The following INSR variants were observed in gnomAD, a reference collection of about 807,000 sequenced individuals.
INSR encodes IR.
Under a neutral mutation model 142.6 loss-of-function variants are expected in INSR, and 67 were observed. The ratio of observed to expected loss-of-function variants is 0.47; its 90% CI spans 0.39 to 0.58. INSR has a LOEUF of 0.58. Ranked by LOEUF, INSR falls within the 20% of genes least tolerant of loss-of-function variation. The pLI is 0.00. For missense variants in INSR, 1,248 were observed against 1,833.2 expected (o/e 0.68, Z 5.83); for synonymous variants, 756 against 743.1 (o/e 1.02, Z -0.28).
At chr19:7,275,419 AATTT>A (rs1435854922) in intron 1 of INSR, among the ~76,000 whole-genome samples, 3 of 152,144 alleles carry the variant, frequency 2.0e-5, no homozygotes, top group Non-Finnish European at 4.4e-5. Flanking sequence ...ACTGAGTACT[AATTT>A]TTTTTACATT....
At chr19:7,285,769 G>A (rs1456903636) in intron 1 of INSR, among the ~76,000 whole-genome samples, 1 of 152,092 alleles carries the variant, frequency 6.6e-6, no homozygotes, top group African/African-American at 2.4e-5. Flanking sequence ...ATCTTTTAAA[G>A]TCTAGAGAAA....
intron 2 of INSR, among the ~76,000 whole-genome samples, chr19:7,195,408 T>G (rs1191156607): frequency 6.6e-6 from 1 of 152,074 alleles, no homozygotes. Flanking sequence ...TTTGGGAGGC[T>G]GAGGCAGGAA....
At chr19:7,262,190 G>T (rs1225074854) in intron 2 of INSR, among the ~76,000 whole-genome samples, 1 of 152,148 alleles carries the variant, frequency 6.6e-6, no homozygotes, top group Non-Finnish European at 1.5e-5. Context: ...GCCTCCTAAG[G>T]CTGGGCGCGG....
At chr19:7,137,652 G>T (rs374423524) in intron 13 of INSR, among the ~76,000 whole-genome samples, 26 of 151,954 alleles carry the variant, frequency 1.7e-4, no homozygotes, top group African/African-American at 5.8e-4. Flanking sequence ...GCTGGGTGTG[G>T]TCGTGGGTGC....
chr19:7,237,217 T>A (rs1976185888), intron 2 of INSR, among the ~76,000 whole-genome samples: 1 of 151,252 alleles, frequency 6.6e-6, no homozygotes, highest in African/African-American at 2.4e-5. Context: ...CCAAAACCTA[T>A]GGAAATAAAC....
chr19:7,197,516 G>GGGGGT (rs1974790392), intron 2 of INSR, among the ~76,000 whole-genome samples: 1 of 70,856 alleles, frequency 1.4e-5, no homozygotes, highest in African/African-American at 6.1e-5. Flanking sequence ...TGGGAGTGGG[G>GGGGGT]GTGTGTGTGT....
intron 9 of INSR, among the ~76,000 whole-genome samples, chr19:7,158,449 C>A (rs374295224): frequency 6.6e-6 from 1 of 151,946 alleles, no homozygotes; most frequent in Non-Finnish European, 1.5e-5. Context: ...TGCAGTGAGC[C>A]GAGATCACGC....
chr19:7,120,893 G>T, intron 19 of INSR, 144 bp from the exon 20 acceptor site: 5 of 933,938 alleles, frequency 5.4e-6, no homozygotes, highest in Non-Finnish European at 8.6e-6. Context: ...GCCAAATCCA[G>T]TAAGAATGGA....
chr19:7,163,036 G>C lies in INSR; in HGVS notation c.2025C>G (p.Leu675=). ...AGCACAGCTGCCTGCACTCACCTTT[G>C]AGGCAATAATCCAGCTCGAACAGCT... ...DSELFELDYC[L]KGLKLPSRTW... The change falls in exon 9 of 22, where the codon CTC becomes CTG. Residue 675 remains leucine, a synonymous_variant. Transcript: ENST00000302850. The C allele has an allele frequency of 6.2e-7, 1 of 1,613,346 alleles. No individual in the cohort carries two copies. Among genetic ancestry groups the C allele is most frequent in the Non-Finnish European group, 8.5e-7 (1 of 1,179,930 alleles).
chr19:7,197,159 C>A (rs778458210), intron 2 of INSR, among the ~76,000 whole-genome samples: 4 of 152,240 alleles, frequency 2.6e-5, no homozygotes, highest in Non-Finnish European at 5.9e-5. Flanking sequence ...GGGAAGCGCC[C>A]CTTTTCCTTG....
chr19:7,177,340 G>A (rs1440575946), intron 3 of INSR, among the ~76,000 whole-genome samples: 2 of 152,100 alleles, frequency 1.3e-5, no homozygotes, highest in Non-Finnish European at 2.9e-5. Context: ...ATGGGGTGAA[G>A]GGTGAGGGAG....
At chr19:7,120,228 C>G (rs902433547) in intron 20 of INSR, among the ~76,000 whole-genome samples, 3 of 152,216 alleles carry the variant, frequency 2.0e-5, no homozygotes, top group African/African-American at 7.2e-5. Flanking sequence ...CGAGTTGTCT[C>G]GTCTTTCCAG....
chr19:7,152,664 G>T, intron 10 of INSR, 62 bp downstream of exon 10: 1 of 1,370,888 alleles, frequency 7.3e-7, no homozygotes, highest in South Asian at 1.2e-5. Flanking sequence ...CCTAAGTAAT[G>T]ACCTTCCACC....
intron 8 of INSR, among the ~76,000 whole-genome samples, chr19:7,163,871 G>T (rs975223719): frequency 2.2e-5 from 3 of 134,644 alleles, no homozygotes; most frequent in Non-Finnish European, 4.7e-5. Flanking sequence ...TGAATCACCT[G>T]AGATCAGGAG....
In INSR at chr19:7,150,553, C is replaced by A; in HGVS notation, c.2232-21G>T. On this transcript the variant is annotated intron_variant, in intron 10 of 21. Coordinates refer to ENST00000302850, the MANE Select transcript of INSR (RefSeq NM_000208.4). The surrounding 1 kb of genome is among the most constrained non-coding windows in gnomAD (Gnocchi z 4.2). ...TTTTTCTGTGGAAACAAAACCAACGCCTTTGAGGACAGAGGGAACTTCATT... is the reference window on the plus strand; with the variant it reads ...TTTTTCTGTGGAAACAAAACCAACGACTTTGAGGACAGAGGGAACTTCATT... 1 of 1,613,784 alleles carries A rather than the reference C, an allele frequency of 6.2e-7. No individual in the cohort carries two copies. Among genetic ancestry groups the A allele is most frequent in the Non-Finnish European group, 8.5e-7 (1 of 1,179,730 alleles).
At chr19:7,207,154 G>A (rs1278139061) in intron 2 of INSR, among the ~76,000 whole-genome samples, 1 of 152,068 alleles carries the variant, frequency 6.6e-6, no homozygotes, top group South Asian at 2.1e-4. Flanking sequence ...GGTGGTTCAC[G>A]CCTGTAACCC....
In INSR at chr19:7,168,732, G is replaced by A. The variant is rs1361507180; in HGVS notation, c.1484-638C>T. Among the ~76,000 whole-genome samples, 1 of 151,806 alleles carries A rather than the reference G, an allele frequency of 6.6e-6. No homozygotes were observed. The highest frequency in any genetic ancestry group is 2.4e-5 in the African/African-American group (1 of 41,300). ...ATGCCTCAGCCTCTCAAGTAGCTGGGATTACAGGCACCCACCACCACGTCC... is the reference window on the plus strand; with the variant it reads ...ATGCCTCAGCCTCTCAAGTAGCTGGAATTACAGGCACCCACCACCACGTCC... On this transcript the variant is annotated intron_variant, in intron 6 of 21. Transcript: ENST00000302850. This position sits in a 1 kb window ranked among gnomAD's most constrained non-coding sequence, Gnocchi z 4.3.
At position 7,125,225 on chromosome 19, in the gene INSR, G is replaced by C. The variant is rs1972616295; in HGVS notation, c.3258+58C>G. The C allele has an allele frequency of 1.2e-6, 2 of 1,607,272 alleles. No individual in the cohort carries two copies. Among genetic ancestry groups the C allele is most frequent in the African/African-American group, 1.3e-5 (1 of 74,738 alleles). On this transcript the variant is annotated intron_variant, in intron 17 of 21. Coordinates refer to ENST00000302850, the MANE Select transcript of INSR (RefSeq NM_000208.4). The surrounding 1 kb of genome is among the most constrained non-coding windows in gnomAD (Gnocchi z 4.9). ...TCTGTCGCTCTGTGCAGGAGGAGGA[G>C]GCAGAGAAAGGGAAGGGTCAGGAAA...
At chr19:7,161,395 G>C (rs1046049590) in intron 9 of INSR, among the ~76,000 whole-genome samples, 2 of 152,042 alleles carry the variant, frequency 1.3e-5, no homozygotes, top group Admixed American at 1.3e-4. Flanking sequence ...AAGTAACTGG[G>C]ACTACAGGTG....
Sources: allele counts gnomAD v4.1 joint callset (sites outside exome capture counted in the v4.1 genomes callset), GRCh38; gene constraint gnomAD v4.1.1; non-coding constraint Gnocchi (gnomAD v3.1); transcripts MANE v1.5; gene names NCBI Gene and HGNC (gene_info 2026-07-23, HGNC 2026-07-21).